Variants in ATAD2 observed in about 807,000 individuals in gnomAD.
The protein encoded by ATAD2 is ATPase family AAA domain containing 2, also known as ATPase family AAA domain-containing protein 2.
Under a neutral mutation model 168.9 loss-of-function variants are expected in ATAD2, and 62 were observed. The observed-to-expected ratio is 0.37, with a 90% CI of 0.30 to 0.45. The LOEUF (loss-of-function observed/expected upper bound fraction) is 0.45. Among genes scored for constraint, ATAD2 ranks in the 20% least tolerant of loss-of-function variants. ATAD2 has a pLI of 1.00. For missense variants in ATAD2, 1,419 were observed against 1,667.8 expected (o/e 0.85, Z 2.60); for synonymous variants, 613 against 571.6 (o/e 1.07, Z -1.03).
At chr8:123,406,969 A>T (rs948822748) in intron 1 of ATAD2, among the ~76,000 whole-genome samples, 1 of 152,208 alleles carries the variant, frequency 6.6e-6, no homozygotes, top group African/African-American at 2.4e-5. Context: ...AAATCTCGAC[A>T]TGAGATTATT....
Position 123,369,954 on chromosome 8 carries a change from A to ATCATCATCT in ATAD2, c.789_797dup (p.Glu263_Asp265dup), listed in dbSNP as rs746765858. On this transcript the variant is annotated inframe_insertion, in exon 7 of 28. Transcript: ENST00000287394. ...CATCATCATCATCATCGTCATCATC[A>ATCATCATCT]TCATCATCTTCATCATCTTCATCTT... is the stretch of plus-strand genomic sequence containing the variant. 1.5e-5 allele frequency: 24 copies of ATCATCATCT among 1,578,810 alleles called. No individual in the cohort carries two copies. Among genetic ancestry groups the ATCATCATCT allele is most frequent in the East Asian group, 2.2e-5 (1 of 44,568 alleles).
At chr8:123,345,106 C>T in intron 18 of ATAD2, 37 bp from the exon 19 acceptor site, 1 of 1,537,358 alleles carries the variant, frequency 6.5e-7, no homozygotes, top group Non-Finnish European at 8.8e-7. Context: ...CAGTTAGAGT[C>T]AGCACGTTAA....
intron 1 of ATAD2, among the ~76,000 whole-genome samples, chr8:123,389,964 A>ATT (rs1554647650): frequency 8.9e-6 from 1 of 112,216 alleles, no homozygotes; most frequent in Non-Finnish European, 1.9e-5. Context: ...ATTATTTTAT[A>ATT]TATATATATA....
At chr8:123,359,092 A>G in intron 11 of ATAD2, 129 bp downstream of exon 11, 1 of 589,840 alleles carries the variant, frequency 1.7e-6, no homozygotes, top group South Asian at 2.6e-5. Flanking sequence ...ATTCAGAGAG[A>G]AAAGTTGTAT....
intron 1 of ATAD2, among the ~76,000 whole-genome samples, chr8:123,391,600 A>C (rs1586906295): frequency 6.6e-6 from 1 of 152,144 alleles, no homozygotes; most frequent in African/African-American, 2.4e-5. Context: ...TAGCCTAAGA[A>C]ATGCTCTGTC....
chr8:123,348,047 G>C (rs1381042299), intron 15 of ATAD2, 136 bp downstream of exon 15: 1 of 721,180 alleles, frequency 1.4e-6, no homozygotes, highest in Non-Finnish European at 2.4e-6. Flanking sequence ...TATTAGTCTG[G>C]TGCAAAAGAA....
chr8:123,408,548 C>T (rs1435371719), intron 1 of ATAD2, among the ~76,000 whole-genome samples: 2 of 152,150 alleles, frequency 1.3e-5, no homozygotes, highest in African/African-American at 2.4e-5. Flanking sequence ...CAGAGTTTCA[C>T]TCTTGTCGCC....
intron 11 of ATAD2, 117 bp from the exon 12 acceptor site, chr8:123,357,853 C>T (rs557977342): frequency 9.5e-7 from 1 of 1,049,140 alleles, no homozygotes. Flanking sequence ...TGTAAGACAA[C>T]TGAATTATGG....
chr8:123,391,530 C>G, intron 1 of ATAD2, among the ~76,000 whole-genome samples: 1 of 100,046 alleles, frequency 1.0e-5, no homozygotes, highest in Admixed American at 1.2e-4. Context: ...TGAGATTAGA[C>G]TAGGAAAAAT....
intron 20 of ATAD2, among the ~76,000 whole-genome samples, chr8:123,338,399 G>A (rs1265107584): frequency 6.6e-6 from 1 of 151,034 alleles, no homozygotes; most frequent in Non-Finnish European, 1.5e-5. Flanking sequence ...ATTAAACTTT[G>A]AAATTGCATT....
intron 24 of ATAD2, among the ~76,000 whole-genome samples, chr8:123,331,885 A>G (rs1586858101): frequency 6.6e-6 from 1 of 152,220 alleles, no homozygotes; most frequent in Non-Finnish European, 1.5e-5. Flanking sequence ...ACTTGAGCTC[A>G]CCACAACAGC....
chr8:123,380,910 T>C (rs1829476048), intron 1 of ATAD2: 1 of 467,882 alleles, frequency 2.1e-6, no homozygotes, highest in Admixed American at 3.8e-5. Context: ...TTATAGTTCA[T>C]AACAAGTAGT....
intron 1 of ATAD2, among the ~76,000 whole-genome samples, chr8:123,394,087 T>C (rs1025284701): frequency 5.3e-5 from 8 of 151,656 alleles, no homozygotes; most frequent in African/African-American, 1.7e-4. Context: ...AGGTTTTTTT[T>C]CCTGAGGAAC....
At chr8:123,404,852 C>T (rs777213514) in intron 1 of ATAD2, among the ~76,000 whole-genome samples, 5 of 152,184 alleles carry the variant, frequency 3.3e-5, no homozygotes, top group Non-Finnish European at 5.9e-5. Context: ...CCCTTTCTCT[C>T]ATAAGGACGT....
At chr8:123,396,142 C>T (rs967592497) in intron 1 of ATAD2, 45 bp downstream of exon 1, 13 of 1,502,628 alleles carry the variant, frequency 8.7e-6, no homozygotes, top group Middle Eastern at 2.3e-4. Flanking sequence ...TGCCGGCAGT[C>T]CCCCCGGGAA....
chr8:123,350,611 T>C (rs886355543), intron 13 of ATAD2, among the ~76,000 whole-genome samples: 2 of 152,216 alleles, frequency 1.3e-5, no homozygotes, highest in African/African-American at 4.8e-5. Flanking sequence ...GTTTGGCTTG[T>C]AGAATTTCCT....
chr8:123,335,273 T>A (rs899521067), intron 22 of ATAD2, among the ~76,000 whole-genome samples: 1 of 152,212 alleles, frequency 6.6e-6, no homozygotes, highest in Non-Finnish European at 1.5e-5. Context: ...TTCTTCTTCC[T>A]ATGTACAATG....
Position 123,320,906 on chromosome 8 carries a change from T to C in ATAD2, c.*228A>G. 3 of 435,532 alleles carry C rather than the reference T, an allele frequency of 6.9e-6. No individual in the cohort carries two copies. Among genetic ancestry groups the C allele is most frequent in the Non-Finnish European group, 1.2e-5 (3 of 251,178 alleles). The allele number at this position is 435,532 out of a possible 1,614,324, so 27.0% of individuals were successfully genotyped here. A position where few individuals can be genotyped will look rare whatever the true frequency, so the allele number is the denominator to read the frequency against. ...GGCCAAACTTCAACTATTATTACTATTACTACAGGGTCTTGTTCTAGCAAA... is the reference window on the plus strand; with the variant it reads ...GGCCAAACTTCAACTATTATTACTACTACTACAGGGTCTTGTTCTAGCAAA... On this transcript the variant is annotated 3_prime_UTR_variant, in exon 28 of 28. Transcript: ENST00000287394.
intron 1 of ATAD2, among the ~76,000 whole-genome samples, chr8:123,385,482 C>T (rs1045695010): frequency 1.3e-5 from 2 of 151,940 alleles, no homozygotes; most frequent in African/African-American, 4.8e-5. Flanking sequence ...AAATTACATC[C>T]TTTGAAAGAA....
Sources: allele counts gnomAD v4.1 joint callset (sites outside exome capture counted in the v4.1 genomes callset), GRCh38; gene constraint gnomAD v4.1.1; transcripts MANE v1.5; gene names NCBI Gene and HGNC (gene_info 2026-07-23, HGNC 2026-07-21).